The following YEATS2 variants were observed in gnomAD, a reference collection of about 807,000 sequenced individuals.
YEATS2 encodes the protein YEATS domain-containing protein 2.
YEATS2 carries 77 observed loss-of-function variants against 163.2 expected under a neutral mutation model. That is an observed-to-expected ratio of 0.47 (90% CI 0.39 to 0.57). The LOEUF (loss-of-function observed/expected upper bound fraction) is 0.57. Ranked by LOEUF, YEATS2 falls within the 20% of genes least tolerant of loss-of-function variation. YEATS2 has a pLI of 0.00. For missense variants in YEATS2, 1,549 were observed against 1,729.8 expected, an observed-to-expected ratio of 0.90 and a Z score of 1.85; for synonymous variants, 631 against 645.1, an observed-to-expected ratio of 0.98 and a Z score of 0.33.
rs545984489 is a variant in YEATS2 at position 183,792,285 on chromosome 3, T to C, written c.3097+1305T>C. Among the ~76,000 whole-genome samples the C allele has an allele frequency of 2.0e-5, 3 of 152,230 alleles. No homozygotes were observed. The South Asian group carries it at 6.2e-4, about 32-fold the overall frequency. On this transcript the variant is annotated intron_variant, in intron 21 of 30. Coordinates refer to ENST00000305135, the MANE Select transcript of YEATS2 (RefSeq NM_018023.5). ...GCATTAGGTATTTGTCCTAATGCTC[T>C]CCCTTCCCTTGCCCCGCACCCCCCA... is the stretch of plus-strand genomic sequence containing the variant.
intron 13 of YEATS2, among the ~76,000 whole-genome samples, chr3:183,760,724 T>A (rs1577132185): frequency 6.6e-6 from 1 of 152,114 alleles, no homozygotes; most frequent in African/African-American, 2.4e-5. Context: ...TTATTGAAAA[T>A]TTTTCCTTTG....
chr3:183,752,211 A>G lies in YEATS2; in HGVS notation c.1108A>G (p.Lys370Glu), dbSNP rs770582533. The part of the protein sequence containing the change: ...PAPVKASSPI[K>E]QSHEPVPDTS... ...CCCAGTGAAAGCTTCTTCACCAATAAAGCAGTCACATGAGCCAGTACCCGA... is the reference window on the plus strand; with the variant it reads ...CCCAGTGAAAGCTTCTTCACCAATAGAGCAGTCACATGAGCCAGTACCCGA... The change falls in exon 10 of 31, where the codon AAG becomes GAG. Residue 370 changes from lysine to glutamate, a missense_variant. Coordinates refer to ENST00000305135, the MANE Select transcript of YEATS2 (RefSeq NM_018023.5). The G allele has an allele frequency of 6.2e-7, 1 of 1,613,950 alleles. No individual in the cohort carries two copies. Among genetic ancestry groups the G allele is most frequent in the African/African-American group, 1.3e-5 (1 of 74,892 alleles).
At chr3:183,799,090 C>T (rs1340205886) in intron 23 of YEATS2, 101 bp downstream of exon 23, 1 of 870,026 alleles carries the variant, frequency 1.1e-6, no homozygotes, top group African/African-American at 1.7e-5. Flanking sequence ...CGGGACATTA[C>T]CATAATCTGA....
chr3:183,763,519 C>A (rs901178979), intron 15 of YEATS2, among the ~76,000 whole-genome samples: 1 of 152,134 alleles, frequency 6.6e-6, no homozygotes, highest in African/African-American at 2.4e-5. Flanking sequence ...TTTCTATAAT[C>A]CACACACAAC....
At position 183,767,251 on chromosome 3, in the gene YEATS2, C is replaced by T. The variant is rs547296091; in HGVS notation, c.1947+4972C>T. On this transcript the variant is annotated intron_variant, in intron 15 of 30. Transcript: ENST00000305135. ...GGTTTTTGTTTCTGTTTTGAGACAG[C>T]GTCTAGCTCCGTTGCCCAGGCTGGA... Among the ~76,000 whole-genome samples, 14 of 151,926 alleles carry T rather than the reference C, an allele frequency of 9.2e-5. No individual in the cohort carries two copies. In the East Asian group the frequency reaches 2.1e-3, roughly 23 times the overall value.
At chr3:183,742,064 G>A (rs963203094) in intron 8 of YEATS2, among the ~76,000 whole-genome samples, 1 of 149,530 alleles carries the variant, frequency 6.7e-6, no homozygotes, top group Non-Finnish European at 1.5e-5. Context: ...AAAAAAATTA[G>A]CTGGACATGG....
intron 27 of YEATS2, chr3:183,806,423 A>G (rs929803987): frequency 4.4e-6 from 2 of 456,682 alleles, no homozygotes; most frequent in Non-Finnish European, 8.8e-6. Flanking sequence ...AAATCACCTT[A>G]TTAGAGACTG....
At chr3:183,801,555 G>T (rs898620708) in intron 25 of YEATS2, 27 bp downstream of exon 25, 1 of 1,545,454 alleles carries the variant, frequency 6.5e-7, no homozygotes, top group East Asian at 2.3e-5. Context: ...GAATATAGGG[G>T]TGCATTTTTG....
At chr3:183,787,888 A>G (rs978394473) in intron 20 of YEATS2, among the ~76,000 whole-genome samples, 1 of 151,842 alleles carries the variant, frequency 6.6e-6, no homozygotes, top group African/African-American at 2.4e-5. Flanking sequence ...CTGTAGTCCC[A>G]GCTACTCAGG....
At chr3:183,787,859 G>C (rs2682435) in intron 20 of YEATS2, among the ~76,000 whole-genome samples, 69,389 of 151,054 alleles carry the variant, frequency 0.46, 16,268 homozygotes, top group East Asian at 0.65. Flanking sequence ...AAAAATTAGC[G>C]GGGCGTGGTG....
In YEATS2 at chr3:183,758,909, A is replaced by G. The variant is rs151134207; in HGVS notation, c.1600A>G (p.Thr534Ala). 1.0e-3 allele frequency: 1,602 copies of G among 1,597,296 alleles called. 14 individuals carry two copies. The highest frequency in any genetic ancestry group is 7.6e-3 in the Middle Eastern group (46 of 6,028). The stretch of plus-strand genomic sequence containing the variant: ...CACGGCTTCTCAGGTCTCCCAAGGA[A>G]CAGGTTCCCCTGTTCCTAAAATTCA... ...ISTASQVSQG[T>A]GSPVPKIHGS... The change falls in exon 13 of 31, where the codon ACA becomes GCA. Residue 534 changes from threonine to alanine, a missense_variant. Transcript: ENST00000305135.
In YEATS2 at chr3:183,798,924, C is replaced by A; in HGVS notation, c.3260C>A (p.Ala1087Asp). 6.2e-7 allele frequency: 1 copy of A among 1,614,112 alleles called. No individual in the cohort carries two copies. The highest frequency in any genetic ancestry group is 1.1e-5 in the South Asian group (1 of 91,072). Residue 1087 changes from alanine (A) to aspartate (D), a missense_variant, in exon 23 of 31, where the codon GCC becomes GAC. Coordinates refer to ENST00000305135, the MANE Select transcript of YEATS2 (RefSeq NM_018023.5). Reference sequence around the variant, plus strand: ...TCATTTTCTACCAGCAAGCCACCTGCCATTCTGCCTGTAGCTGCCCCAACT... The same window carrying A: ...TCATTTTCTACCAGCAAGCCACCTGACATTCTGCCTGTAGCTGCCCCAACT... ...VQSFSTSKPPAILPVAAPTPV... is the reference protein window; with the variant it reads ...VQSFSTSKPPDILPVAAPTPV...
intron 1 of YEATS2, among the ~76,000 whole-genome samples, chr3:183,712,376 T>C (rs1715364142): frequency 6.6e-6 from 1 of 150,810 alleles, no homozygotes; most frequent in South Asian, 2.1e-4. Flanking sequence ...GCCCAGCTAA[T>C]TTTTTTGTAT....
intron 7 of YEATS2, among the ~76,000 whole-genome samples, chr3:183,730,048 G>GTTTGTTTGTTTTTT (rs1560244221): frequency 1.4e-3 from 29 of 20,802 alleles, no homozygotes; most frequent in African/African-American, 3.7e-3. Context: ...GTGGTTTTTT[G>GTTTGTTTGTTTTTT]TTTGTTTTTT....
chr3:183,800,426 G>T, intron 23 of YEATS2, 40 bp from the exon 24 acceptor site: 2 of 1,494,812 alleles, frequency 1.3e-6, no homozygotes, highest in South Asian at 2.3e-5. Flanking sequence ...TTCCACCACT[G>T]ACCCCTAACA....
rs1424157179 is a variant in YEATS2 at position 183,762,193 on chromosome 3, G to T, written c.1861G>T (p.Gly621Cys). ...PLPQYVTVKG[G>C]HMIAVSPQKQ... ...CCCGCAGTATGTGACTGTGAAAGGG[G>T]GTCACATGATAGCTGTGTCCCCTCA... Residue 621 changes from glycine to cysteine, a missense_variant, in exon 15 of 31, where the codon GGT becomes TGT. Coordinates refer to ENST00000305135, the MANE Select transcript of YEATS2 (RefSeq NM_018023.5). 5 of 1,614,008 alleles carry T rather than the reference G, an allele frequency of 3.1e-6. No homozygotes were observed. The African/African-American group carries it at 4.0e-5, about 13-fold the overall frequency.
intron 1 of YEATS2, among the ~76,000 whole-genome samples, chr3:183,711,634 ATATT>A (rs978787352): frequency 1.4e-4 from 21 of 152,088 alleles, no homozygotes; most frequent in African/African-American, 4.8e-4. Flanking sequence ...GGGTTTTAGA[ATATT>A]TTTAAGATTA....
At chr3:183,791,615 A>G (rs1380380708) in intron 21 of YEATS2, among the ~76,000 whole-genome samples, 1 of 152,166 alleles carries the variant, frequency 6.6e-6, no homozygotes. Flanking sequence ...TTAAAGTACT[A>G]ATTTCTTTTT....
At chr3:183,712,923 G>A (rs2109013455) in intron 1 of YEATS2, among the ~76,000 whole-genome samples, 1 of 152,060 alleles carries the variant, frequency 6.6e-6, no homozygotes, top group South Asian at 2.1e-4. Flanking sequence ...ACCAGGCCCA[G>A]CTAATTTTTG....
Sources: allele counts gnomAD v4.1 joint callset (sites outside exome capture counted in the v4.1 genomes callset), GRCh38; gene constraint gnomAD v4.1.1; transcripts MANE v1.5; gene names NCBI Gene and HGNC (gene_info 2026-07-23, HGNC 2026-07-21).